Variants in KIF13B observed in about 807,000 individuals in gnomAD.
KIF13B encodes the protein kinesin family member 13B.
In KIF13B, 127 loss-of-function variants were observed where a neutral mutation model predicts 222.0. The observed-to-expected ratio is 0.57, with a 90% CI of 0.50 to 0.66. The LOEUF is 0.66. Among genes scored for constraint, KIF13B ranks in the 30% least tolerant of loss-of-function variants. KIF13B has a pLI of 0.00. For missense variants in KIF13B, 2,173 were observed against 2,379.0 expected, an observed-to-expected ratio of 0.91 and a Z score of 1.80; for synonymous variants, 976 against 919.0, an observed-to-expected ratio of 1.06 and a Z score of -1.12.
intron 2 of KIF13B, among the ~76,000 whole-genome samples, chr8:29,232,218 A>G (rs1286157184): frequency 6.6e-6 from 1 of 152,040 alleles, no homozygotes; most frequent in Non-Finnish European, 1.5e-5. Flanking sequence ...TGATTGCACT[A>G]CTACATTCCA....
At chr8:29,234,170 T>C (rs974986754) in intron 2 of KIF13B, among the ~76,000 whole-genome samples, 2 of 152,148 alleles carry the variant, frequency 1.3e-5, no homozygotes, top group Non-Finnish European at 2.9e-5. Context: ...CCTGGGTCTA[T>C]ACCCAAAATA....
intron 29 of KIF13B, 70 bp downstream of exon 29, chr8:29,122,521 T>C: frequency 7.9e-7 from 1 of 1,272,968 alleles, no homozygotes; most frequent in East Asian, 2.4e-5. Flanking sequence ...ATGCACTTGG[T>C]TGGAATCTAC....
intron 1 of KIF13B, among the ~76,000 whole-genome samples, chr8:29,248,521 A>C (rs921106601): frequency 6.6e-6 from 1 of 151,680 alleles, no homozygotes; most frequent in Non-Finnish European, 1.5e-5. Flanking sequence ...GCAGCAGAGA[A>C]GAGAAGGACA....
chr8:29,167,238 A>G (rs1812042791), intron 11 of KIF13B, 135 bp downstream of exon 11: 1 of 639,620 alleles, frequency 1.6e-6, no homozygotes, highest in Non-Finnish European at 2.8e-6. Flanking sequence ...TACTCATCCC[A>G]AAGTTCTCTT....
chr8:29,163,689 G>T (rs1811876841), intron 12 of KIF13B, among the ~76,000 whole-genome samples: 1 of 152,188 alleles, frequency 6.6e-6, no homozygotes, highest in South Asian at 2.1e-4. Flanking sequence ...ACTAAAGCCT[G>T]GGAGCTCTGG....
chr8:29,199,089 A>T (rs548468783), intron 2 of KIF13B, among the ~76,000 whole-genome samples: 6 of 139,528 alleles, frequency 4.3e-5, no homozygotes, highest in East Asian at 4.2e-4. Context: ...AAAATTTTTT[A>T]AAAAATAGAA....
intron 2 of KIF13B, among the ~76,000 whole-genome samples, chr8:29,219,655 C>T (rs10105763): frequency 0.16 from 23,532 of 151,676 alleles, 2,066 homozygotes; most frequent in Non-Finnish European, 0.18. Context: ...CGGGAGGCTG[C>T]GGTGAGAAAA....
chr8:29,106,828 G>A (rs1181352401), intron 35 of KIF13B, among the ~76,000 whole-genome samples: 3 of 151,988 alleles, frequency 2.0e-5, no homozygotes, highest in Admixed American at 6.6e-5. Context: ...TCTCTGTCAC[G>A]CTGCCTCGTA....
At chr8:29,263,118 CG>C (rs1816752578), upstream of KIF13B, 10 of 441,764 alleles carry the variant, frequency 2.3e-5, no homozygotes, top group Admixed American at 5.8e-5. Flanking sequence ...GGGAGGGGGC[CG>C]GGGGCGGAGC....
At chr8:29,089,385 G>A (rs1051894918) in intron 37 of KIF13B, among the ~76,000 whole-genome samples, 1 of 152,190 alleles carries the variant, frequency 6.6e-6, no homozygotes, top group Non-Finnish European at 1.5e-5. Context: ...GCTGCAGTGA[G>A]CTATCATCGC....
intron 35 of KIF13B, among the ~76,000 whole-genome samples, chr8:29,101,726 C>T (rs1163580480): frequency 6.6e-6 from 1 of 152,108 alleles, no homozygotes; most frequent in East Asian, 1.9e-4. Flanking sequence ...CTCACATGCT[C>T]CCCCCGCAAC....
chr8:29,164,946 C>G (rs1811928096), intron 12 of KIF13B, among the ~76,000 whole-genome samples: 1 of 151,890 alleles, frequency 6.6e-6, no homozygotes, highest in African/African-American at 2.4e-5. Context: ...CTCCCGGGTT[C>G]AAGCGATTCT....
chr8:29,199,788 A>G (rs1813611919), intron 2 of KIF13B, among the ~76,000 whole-genome samples: 1 of 152,102 alleles, frequency 6.6e-6, no homozygotes, highest in Non-Finnish European at 1.5e-5. Flanking sequence ...TCCTGCTAAC[A>G]TTTCCCAATG....
chr8:29,128,252 A>C (rs1347668379), intron 24 of KIF13B, among the ~76,000 whole-genome samples: 1 of 152,050 alleles, frequency 6.6e-6, no homozygotes, highest in Non-Finnish European at 1.5e-5. Context: ...AAGAGAATTC[A>C]CAGTATTCCC....
At chr8:29,148,539 C>A in intron 16 of KIF13B, 38 bp downstream of exon 16, 4 of 1,491,132 alleles carry the variant, frequency 2.7e-6, no homozygotes, top group East Asian at 2.5e-5. Context: ...CCTCTACCAA[C>A]TGGAACTGAT....
intron 2 of KIF13B, among the ~76,000 whole-genome samples, chr8:29,216,286 T>C (rs1296171179): frequency 1.3e-5 from 2 of 152,188 alleles, no homozygotes; most frequent in East Asian, 3.9e-4. Flanking sequence ...GATTCAAACC[T>C]AGGTCTCTCA....
chr8:29,111,120 T>C (rs1809334703), intron 32 of KIF13B, among the ~76,000 whole-genome samples: 1 of 152,248 alleles, frequency 6.6e-6, no homozygotes, highest in African/African-American at 2.4e-5. Context: ...TGTACAGTAA[T>C]TCATCTGAGC....
intron 2 of KIF13B, among the ~76,000 whole-genome samples, chr8:29,209,153 C>T (rs1374898497): frequency 6.6e-6 from 1 of 152,062 alleles, no homozygotes; most frequent in African/African-American, 2.4e-5. Flanking sequence ...AATAAGGTAA[C>T]TTTAAAAGAC....
intron 1 of KIF13B, among the ~76,000 whole-genome samples, chr8:29,258,951 C>A (rs2117183101): frequency 6.6e-6 from 1 of 152,278 alleles, no homozygotes; most frequent in South Asian, 2.1e-4. Flanking sequence ...TAACAGGCAA[C>A]CCTAAGAAAA....
Sources: gnomAD v4.1 joint callset for allele counts (sites outside exome capture counted in the v4.1 genomes callset) on GRCh38, gnomAD v4.1.1 for gene constraint, MANE v1.5 for transcripts, NCBI Gene and HGNC (gene_info 2026-07-23, HGNC 2026-07-21) for gene names.